The following PLEC variants were observed in gnomAD, a reference collection of about 807,000 sequenced individuals.
The protein encoded by PLEC is plectin, also known as hemidesmosomal protein 1.
PLEC carries 216 observed loss-of-function variants against 392.8 expected under a neutral mutation model. The ratio of observed to expected loss-of-function variants is 0.55; its 90% CI spans 0.49 to 0.62. The LOEUF (loss-of-function observed/expected upper bound fraction) is 0.62, where lower values mean the gene tolerates loss of function less well. Ranked by LOEUF, PLEC falls within the 20% of genes least tolerant of loss-of-function variation. The pLI, the probability that PLEC is intolerant of heterozygous loss-of-function variation, is 0.00. For missense variants in PLEC, 6,863 were observed against 6,563.4 expected (o/e 1.05, Z -1.58); for synonymous variants, 3,621 against 2,980.6 (o/e 1.21, Z -7.00).
chr8:143,932,454 G>A lies in PLEC; in HGVS notation c.1923C>T (p.Gly641=), dbSNP rs781872779. The A allele has an allele frequency of 6.2e-7, 1 of 1,612,790 alleles. No individual in the cohort carries two copies. The highest frequency in any genetic ancestry group is 1.7e-5 in the Admixed American group (1 of 60,012). The change falls in exon 16 of 32, where the codon GGC becomes GGT. Residue 641 remains glycine (G), a synonymous_variant. Coordinates refer to ENST00000345136, the MANE Select transcript of PLEC (RefSeq NM_201384.3). ...WLNEKEEEEV[G]FDWSDRNTNM... is the part of the protein sequence containing the mutation. ...TGGTGTTGCGGTCGCTCCAGTCGAAGCCCACCTCCTCCTCCTCCTTCTCAT... is the reference window on the plus strand; with the variant it reads ...TGGTGTTGCGGTCGCTCCAGTCGAAACCCACCTCCTCCTCCTCCTTCTCAT...
Position 143,935,931 on chromosome 8 carries a change from C to T in PLEC, c.519G>A (p.Glu173=), listed in dbSNP as rs1554722884. Residue 173 remains glutamate, a synonymous_variant, in exon 6 of 32, where the codon GAG becomes GAA. Transcript: ENST00000345136. ...KLLLWSQRMV[E]GYQGLRCDNF... ...TGTCGCATCGCAGGCCCTGGTACCC[C>T]TCCACCATTCGCTGCGACCACAGCA... 4 of 1,613,000 alleles carry T rather than the reference C, an allele frequency of 2.5e-6. No homozygotes were observed. Among genetic ancestry groups the T allele is most frequent in the Non-Finnish European group, 1.7e-6 (2 of 1,179,976 alleles).
At position 143,916,577 on chromosome 8, in the gene PLEC, C is replaced by T; in HGVS notation, c.13244G>A (p.Gly4415Asp). 6.2e-7 allele frequency: 1 copy of T among 1,611,510 alleles called. No homozygotes were observed. The change falls in exon 32 of 32, where the codon GGC becomes GAC. Residue 4415 changes from glycine (G) to aspartate (D), a missense_variant. By Grantham distance (94) the Gly-to-Asp change is moderately conservative (BLOSUM62 -1). Coordinates refer to ENST00000345136, the MANE Select transcript of PLEC (RefSeq NM_201384.3). Reference sequence around the variant, plus strand: ...CTGTGCGGTGCGGGCGTCCACCGTGCCGCGCTGCAGGGCCTCGTCCAGGGG... The same window carrying T: ...CTGTGCGGTGCGGGCGTCCACCGTGTCGCGCTGCAGGGCCTCGTCCAGGGG... ...RVPLDEALQR[G>D]TVDARTAQKL...
At position 143,922,009 on chromosome 8, in the gene PLEC, C is replaced by A; in HGVS notation, c.7812G>T (p.Gln2604His). The A allele has an allele frequency of 6.3e-7, 1 of 1,598,066 alleles. No individual in the cohort carries two copies. The highest frequency in any genetic ancestry group is 8.5e-7 in the Non-Finnish European group (1 of 1,179,598). ...CTGAGTGCGCCAGCGCGGCCCGGTG[C>A]TGCTCCTCCAGGAGCTGCAGCTGCT... The part of the protein sequence containing the change: ...LREQLQLLEE[Q>H]HRAALAHSEE... Residue 2604 changes from glutamine to histidine, a missense_variant, in exon 32 of 32, where the codon CAG (glutamine) becomes CAT (histidine). Coordinates refer to ENST00000345136, the MANE Select transcript of PLEC (RefSeq NM_201384.3).
intron 12 of PLEC, 96 bp from the exon 13 acceptor site, chr8:143,933,447 C>A (rs186717664): frequency 1.2e-4 from 173 of 1,418,706 alleles, no homozygotes; most frequent in Non-Finnish European, 1.6e-4. Context: ...GCTTCCTCAG[C>A]CTCAGTGGGC....
At chr8:143,975,317 C>T, upstream of PLEC, 3 of 1,611,852 alleles carry the variant, frequency 1.9e-6, no homozygotes, top group Middle Eastern at 4.9e-4. The surrounding 1 kb of genome is among the most constrained non-coding windows in gnomAD (Gnocchi z 9.9). Context: ...GCCACTGCTT[C>T]CATTGGAGAC....
In PLEC at chr8:143,934,463, A is replaced by T; in HGVS notation, c.1042-18T>A. ...ACCGCTCCCTGTAGACAGGGGCCAC[A>T]CTCAGGCCCTATAGGCAGGGGGCAG... On this transcript the variant is annotated intron_variant, in intron 10 of 31. Coordinates refer to ENST00000345136, the MANE Select transcript of PLEC (RefSeq NM_201384.3). 1 of 1,610,120 alleles carries T rather than the reference A, an allele frequency of 6.2e-7. No individual in the cohort carries two copies. The highest frequency in any genetic ancestry group is 2.2e-5 in the East Asian group (1 of 44,858).
At chr8:143,972,964 C>A (rs1021517755) in intron 1 of PLEC, among the ~76,000 whole-genome samples, 17 of 152,196 alleles carry the variant, frequency 1.1e-4, no homozygotes, top group African/African-American at 4.1e-4. Context: ...AGGCCCTCGC[C>A]AGTTTAGGGA....
At chr8:143,947,812 C>T (rs1831678698) in intron 1 of PLEC, among the ~76,000 whole-genome samples, 1 of 152,192 alleles carries the variant, frequency 6.6e-6, no homozygotes, top group Non-Finnish European at 1.5e-5. Flanking sequence ...CACATTCCTA[C>T]AGCTTCCCAC....
At chr8:143,964,808 A>T (rs782786747) in intron 1 of PLEC, among the ~76,000 whole-genome samples, 14 of 152,130 alleles carry the variant, frequency 9.2e-5, no homozygotes, top group Non-Finnish European at 1.8e-4. Context: ...CCAGGTAGCC[A>T]CTCGTTTAGC....
rs141190664 is a variant in PLEC, at chr8:143,969,307, C to G, written c.70+4096G>C. 1.1e-4 allele frequency among the ~76,000 whole-genome samples: 17 copies of G among 152,336 alleles called. No homozygotes were observed. The highest frequency in any genetic ancestry group is 4.1e-4 in the South Asian group (2 of 4,828). ...TTCCTGTCTGCCTGAGCCCCTCAGC[C>G]CCCCCATTCTCCCTGTCCCCCATCC... On this transcript the variant is annotated intron_variant, in intron 1 of 31. Coordinates refer to the PLEC transcript ENST00000356346. The surrounding 1 kb of genome is among the most constrained non-coding windows in gnomAD (Gnocchi z 5.1).
At chr8:143,926,741 T>G in intron 30 of PLEC, 43 bp downstream of exon 30, 26 of 1,491,284 alleles carry the variant, frequency 1.7e-5, no homozygotes, top group Non-Finnish European at 2.2e-5. Context: ...CAACAGGTGG[T>G]GAGATGGAAC....
intron 20 of PLEC, 23 bp from the exon 21 acceptor site, chr8:143,930,321 G>C (rs1554713550): frequency 6.3e-7 from 1 of 1,596,550 alleles, no homozygotes; most frequent in Non-Finnish European, 8.5e-7. Flanking sequence ...GAGTCGGTGA[G>C]GACATGGCCA....
chr8:143,930,716 C>G (rs1332185613), intron 19 of PLEC, among the ~76,000 whole-genome samples, 180 bp from the exon 20 acceptor site: 1 of 152,114 alleles, frequency 6.6e-6, no homozygotes, highest in Non-Finnish European at 1.5e-5. Context: ...CAGACCCATG[C>G]ACCCTCGCTC....
At chr8:143,927,829 T>A (rs782635648) in intron 26 of PLEC, 25 bp downstream of exon 26, 21 of 1,591,866 alleles carry the variant, frequency 1.3e-5, no homozygotes, top group Non-Finnish European at 1.5e-5. Context: ...CACCCCGCCA[T>A]GAAGCCCAAG....
At chr8:143,947,260 G>T (rs7462197) in intron 1 of PLEC, among the ~76,000 whole-genome samples, 1 of 151,994 alleles carries the variant, frequency 6.6e-6, no homozygotes, top group Non-Finnish European at 1.5e-5. Context: ...CGTGTAGAGG[G>T]GAAGTCATGG....
chr8:143,921,710 T>A lies in PLEC; in HGVS notation c.8111A>T (p.Lys2704Met). 2 of 1,612,992 alleles carry A rather than the reference T, an allele frequency of 1.2e-6. No homozygotes were observed. Among genetic ancestry groups the A allele is most frequent in the Non-Finnish European group, 1.7e-6 (2 of 1,179,900 alleles). Reference sequence around the variant, plus strand: ...AACACTCAGCTTCTCATTGGTGGCCTTCAGCAACAGCCCTGCGATACTGCT... The same window carrying A: ...AACACTCAGCTTCTCATTGGTGGCCATCAGCAACAGCCCTGCGATACTGCT... ...GRSSIAGLLL[K>M]ATNEKLSVYA... The change falls in exon 32 of 32, where the codon AAG becomes ATG. Residue 2704 changes from lysine (K) to methionine (M), a missense_variant. Physicochemically the swap from Lys to Met is moderately conservative, Grantham distance 95. Transcript: ENST00000345136.
chr8:143,969,006 G>A lies in PLEC; in HGVS notation c.70+4397C>T, dbSNP rs1833268048. Among the ~76,000 whole-genome samples, 1 of 152,114 alleles carries A rather than the reference G, an allele frequency of 6.6e-6. No homozygotes were observed. Among genetic ancestry groups the A allele is most frequent in the Non-Finnish European group, 1.5e-5 (1 of 68,022 alleles). ...CACAGCTGAGCAATTCCACTCCTAG[G>A]TATCTACCCAGCAGAAATAAAAAAC... On this transcript the variant is annotated intron_variant, in intron 1 of 31. Coordinates refer to the PLEC transcript ENST00000356346. The surrounding 1 kb of genome is among the most constrained non-coding windows in gnomAD (Gnocchi z 5.1).
chr8:143,931,835 G>A (rs1452663457), intron 18 of PLEC, 102 bp downstream of exon 18: 34 of 1,417,732 alleles, frequency 2.4e-5, no homozygotes, highest in South Asian at 3.7e-5. Context: ...AGCTGGCAAC[G>A]TCTGCAGACA....
intron 3 of PLEC, among the ~76,000 whole-genome samples, 179 bp from the exon 4 acceptor site, chr8:143,937,421 C>T (rs1403387416): frequency 2.0e-5 from 3 of 152,194 alleles, no homozygotes; most frequent in African/African-American, 7.2e-5. Flanking sequence ...GGGGCCAGGC[C>T]AGGCCCATCA....
Sources: allele counts gnomAD v4.1 joint callset (sites outside exome capture counted in the v4.1 genomes callset), GRCh38; gene constraint gnomAD v4.1.1; non-coding constraint Gnocchi (gnomAD v3.1); transcripts MANE v1.5; gene names NCBI Gene and HGNC (gene_info 2026-07-23, HGNC 2026-07-21).